Variants in FAU observed in about 807,000 individuals in gnomAD.
FAU encodes FAU ubiquitin like and ribosomal protein S30 fusion.
For synonymous variants in FAU, 70 were observed against 69.9 expected, an observed-to-expected ratio of 1.00 and a Z score of -0.01; for missense variants, 125 against 173.9, an observed-to-expected ratio of 0.72 and a Z score of 1.58.
At chr11:65,121,478 A>G in intron 3 of FAU, 22 bp downstream of exon 3, 1 of 1,608,900 alleles carries the variant, frequency 6.2e-7, no homozygotes, top group Non-Finnish European at 8.5e-7. Flanking sequence ...GGTACTTCAA[A>G]GAACATTCCT....
At chr11:65,121,439 A>G in intron 3 of FAU, 61 bp downstream of exon 3, 1 of 1,576,476 alleles carries the variant, frequency 6.3e-7, no homozygotes, top group Non-Finnish European at 8.6e-7. Flanking sequence ...TGTCAGGACT[A>G]TGCACCCCAC....
At chr11:65,120,835 G>A (rs774448754) in intron 4 of FAU, 29 bp from the exon 5 acceptor site, 54 of 1,613,462 alleles carry the variant, frequency 3.3e-5, no homozygotes, top group Non-Finnish European at 4.6e-5. Context: ...ATCAGGCCCT[G>A]GTTCCTGTCT....
At chr11:65,121,409 C>G (rs1310558732) in intron 3 of FAU, 91 bp downstream of exon 3, 2 of 1,480,596 alleles carry the variant, frequency 1.4e-6, no homozygotes, top group Non-Finnish European at 1.8e-6. Flanking sequence ...TACTCTATTA[C>G]CATAGGTGTG....
rs1488714944 is a variant in FAU at position 65,122,126 on chromosome 11, G to A, written c.-45C>T. 3 of 602,836 alleles carry A rather than the reference G, an allele frequency of 5.0e-6. No individual in the cohort carries two copies. Among genetic ancestry groups the A allele is most frequent in the South Asian group, 2.0e-5 (1 of 50,708 alleles). 37.3% of individuals were successfully genotyped at this position (602,836 alleles called of 1,614,324 possible). ...TCCCAGCTACCGCGAAGATGGAGTC[G>A]AGAAAGAGGAAGAAGCGAGGGCGCG... On this transcript the variant is annotated 5_prime_UTR_variant, in exon 1 of 5. Coordinates refer to ENST00000529639, the MANE Select transcript of FAU (RefSeq NM_001997.5).
intron 3 of FAU, 157 bp downstream of exon 3, chr11:65,121,343 T>G: frequency 9.7e-7 from 1 of 1,031,046 alleles, no homozygotes; most frequent in Non-Finnish European, 1.4e-6. Context: ...GACGTCTGTG[T>G]TCAACATGAG....
rs3202228 is a variant in FAU at position 65,120,783 on chromosome 11, C to T, written c.300G>A (p.Lys100=). The T allele has an allele frequency of 2.5e-6, 4 of 1,614,148 alleles. No individual in the cohort carries two copies. The highest frequency in any genetic ancestry group is 3.3e-4 in the Middle Eastern group (2 of 6,062). The change falls in exon 5 of 5, where the codon AAG becomes AAA. Residue 100 remains lysine (K), a synonymous_variant. Coordinates refer to ENST00000529639, the MANE Select transcript of FAU (RefSeq NM_001997.5). Reference sequence around the variant, plus strand: ...GCCGCTTAGCCCGACCTGTCTTCTTCTTCTTCTTCTCCTGTTTGGCCACCT... The same window carrying T: ...GCCGCTTAGCCCGACCTGTCTTCTTTTTCTTCTTCTCCTGTTTGGCCACCT... ...TPKVAKQEKK[K]KKTGRAKRRM... is the part of the protein sequence containing the mutation.
In FAU at chr11:65,120,820, G is replaced by A. The variant is rs1411354138; in HGVS notation, c.277-14C>T. On this transcript the variant is annotated splice_polypyrimidine_tract_variant and intron_variant, in intron 4 of 4. Transcript: ENST00000529639. ...CTGTTTGGCCACCTGGAGAAGGGAAGGTTAATCAGGCCCTGGTTCCTGTCT... is the reference window on the plus strand; with the variant it reads ...CTGTTTGGCCACCTGGAGAAGGGAAAGTTAATCAGGCCCTGGTTCCTGTCT... The A allele has an allele frequency of 1.9e-6, 3 of 1,613,818 alleles. No homozygotes were observed. Among genetic ancestry groups the A allele is most frequent in the African/African-American group, 2.7e-5 (2 of 74,916 alleles).
At position 65,120,778 on chromosome 11, in the gene FAU, T is replaced by G. The variant is rs1065065; in HGVS notation, c.305A>C (p.Lys102Thr). 2.9e-5 allele frequency: 46 copies of G among 1,605,534 alleles called. No homozygotes were observed. The highest frequency in any genetic ancestry group is 3.7e-5 in the Non-Finnish European group (43 of 1,174,450). ...CATCCGCCGCTTAGCCCGACCTGTC[T>G]TCTTCTTCTTCTTCTCCTGTTTGGC... Reference protein sequence around the residue: ...KVAKQEKKKKKTGRAKRRMQY... With the variant: ...KVAKQEKKKKTTGRAKRRMQY... Residue 102 changes from lysine (K) to threonine (T), a missense_variant, in exon 5 of 5, where the codon AAG (lysine) becomes ACG (threonine). By Grantham distance (78) the Lys-to-Thr change is moderately conservative. Coordinates refer to ENST00000529639, the MANE Select transcript of FAU (RefSeq NM_001997.5).
In FAU at chr11:65,121,486, C is replaced by T. The variant is rs752607485; in HGVS notation, c.220+14G>A. The stretch of plus-strand genomic sequence containing the variant: ...GCTTACCGGTACTTCAAAGAACATT[C>T]CTCTCTCACTCACCTCCAAGCATGC... On this transcript the variant is annotated intron_variant, in intron 3 of 4. Transcript: ENST00000529639. 1.2e-6 allele frequency: 2 copies of T among 1,610,278 alleles called. No homozygotes were observed. The highest frequency in any genetic ancestry group is 1.7e-6 in the Non-Finnish European group (2 of 1,178,192).
chr11:65,120,633 C>T lies in FAU; in HGVS notation c.*48G>A, dbSNP rs754270954. The T allele has an allele frequency of 9.3e-6, 15 of 1,609,272 alleles. No homozygotes were observed. In the Admixed American group the frequency reaches 2.3e-4, roughly 25 times the overall value. ...AAGTAAAGATGAAACAATGCGATGA[C>T]TGAACTAAGTGGCTTTTTTATTAGA... On this transcript the variant is annotated 3_prime_UTR_variant, in exon 5 of 5. Transcript: ENST00000529639.
In FAU at chr11:65,121,658, T is replaced by G. The variant is rs200175300; in HGVS notation, c.76-14A>C. On this transcript the variant is annotated splice_polypyrimidine_tract_variant and intron_variant, in intron 2 of 4. Transcript: ENST00000529639. ...GGCTACATGAGCCTACAGGGAAAGA[T>G]AAGGCTCGTAAGCGTTCCCTCGGGC... 6.2e-7 allele frequency: 1 copy of G among 1,613,596 alleles called. No individual in the cohort carries two copies. The highest frequency in any genetic ancestry group is 8.5e-7 in the Non-Finnish European group (1 of 1,179,824).
rs1464728387 is a variant in FAU at position 65,120,739 on chromosome 11, C to A, written c.344G>T (p.Arg115Leu). The A allele has an allele frequency of 6.2e-7, 1 of 1,614,162 alleles. No individual in the cohort carries two copies. Among genetic ancestry groups the A allele is most frequent in the Admixed American group, 1.7e-5 (1 of 60,024 alleles). ...AAAGGTGGGCACAACGTTGACAAAG[C>A]GCCGGTTGTACTGCATCCGCCGCTT... The part of the protein sequence containing the change: ...RAKRRMQYNR[R>L]FVNVVPTFGK... Residue 115 changes from arginine to leucine, a missense_variant, in exon 5 of 5, where the codon CGC becomes CTC. Physicochemically the swap from Arg to Leu is moderately radical, Grantham distance 102. Transcript: ENST00000529639.
intron 3 of FAU, 171 bp from the exon 4 acceptor site, chr11:65,121,207 G>A: frequency 1.2e-6 from 1 of 810,206 alleles, no homozygotes. Context: ...GGATCTTCCA[G>A]CTTCTAATTT....
At chr11:65,121,126 G>A in intron 3 of FAU, 90 bp from the exon 4 acceptor site, 2 of 1,348,002 alleles carry the variant, frequency 1.5e-6, no homozygotes, top group South Asian at 1.2e-5. Flanking sequence ...CCTTTAAAGA[G>A]AAGCTGCGCC....
intron 1 of FAU, 28 bp from the exon 2 acceptor site, chr11:65,121,849 A>C: frequency 1.9e-6 from 3 of 1,608,168 alleles, no homozygotes; most frequent in Non-Finnish European, 1.7e-6. Flanking sequence ...GGCTTGTAAG[A>C]GAAGCCAAGA....
In FAU at chr11:65,120,663, G is replaced by A. The variant is rs1386165191; in HGVS notation, c.*18C>T. ...CTAAGTGGCTTTTTTATTAGAGAAA[G>A]CCAGAATTACAAAAGACTTAAGAGT... is the stretch of plus-strand genomic sequence containing the variant. On this transcript the variant is annotated 3_prime_UTR_variant, in exon 5 of 5. Transcript: ENST00000529639. 6.2e-7 allele frequency: 1 copy of A among 1,612,678 alleles called. No homozygotes were observed. The highest frequency in any genetic ancestry group is 2.2e-5 in the East Asian group (1 of 44,870).
Position 65,121,660 on chromosome 11 carries a change from A to C in FAU, c.76-16T>G. On this transcript the variant is annotated splice_polypyrimidine_tract_variant and intron_variant, in intron 2 of 4. Coordinates refer to ENST00000529639, the MANE Select transcript of FAU (RefSeq NM_001997.5). Reference sequence around the variant, plus strand: ...CTACATGAGCCTACAGGGAAAGATAAGGCTCGTAAGCGTTCCCTCGGGCCG... The same window carrying C: ...CTACATGAGCCTACAGGGAAAGATACGGCTCGTAAGCGTTCCCTCGGGCCG... The C allele has an allele frequency of 6.2e-7, 1 of 1,613,676 alleles. No individual in the cohort carries two copies. Among genetic ancestry groups the C allele is most frequent in the South Asian group, 1.1e-5 (1 of 91,070 alleles).
At chr11:65,121,076 A>T in intron 3 of FAU, 40 bp from the exon 4 acceptor site, 1 of 1,606,214 alleles carries the variant, frequency 6.2e-7, no homozygotes, top group Non-Finnish European at 8.5e-7. Context: ...TAAGAGCAAG[A>T]AGGTGCCACC....
In FAU at chr11:65,121,761, T is replaced by C; in HGVS notation, c.53A>G (p.Gln18Arg). 4.3e-6 allele frequency: 7 copies of C among 1,614,134 alleles called. No individual in the cohort carries two copies. The highest frequency in any genetic ancestry group is 5.9e-6 in the Non-Finnish European group (7 of 1,180,044). ...TACCTTGATCTGGGCGACCGTTTCCTGGCCGGTCACCTCGAAGGTGTGTAG... is the reference window on the plus strand; with the variant it reads ...TACCTTGATCTGGGCGACCGTTTCCCGGCCGGTCACCTCGAAGGTGTGTAG... ...QELHTFEVTG[Q>R]ETVAQIKAHV... Residue 18 changes from glutamine to arginine, a missense_variant, in exon 2 of 5, where the codon CAG (glutamine) becomes CGG (arginine). Physicochemically the swap from Gln to Arg is conservative, Grantham distance 43. Coordinates refer to ENST00000529639, the MANE Select transcript of FAU (RefSeq NM_001997.5).
Sources: gnomAD v4.1 joint callset for allele counts on GRCh38, gnomAD v4.1.1 for gene constraint, MANE v1.5 for transcripts, NCBI Gene and HGNC (gene_info 2026-07-23, HGNC 2026-07-21) for gene names.